The following CELF2 variants were observed in gnomAD, a reference collection of about 807,000 sequenced individuals.
CELF2 encodes CUG triplet repeat RNA-binding protein 2.
A neutral mutation model predicts 62.6 loss-of-function variants in CELF2; 8 were observed. That is an observed-to-expected ratio of 0.13 (90% CI 0.07 to 0.23). The LOEUF (loss-of-function observed/expected upper bound fraction) is 0.23, where lower values mean the gene tolerates loss of function less well. CELF2 is among the 10% of genes least tolerant of loss of function. CELF2 has a pLI of 1.00. For synonymous variants in CELF2, 258 were observed against 250.0 expected (o/e 1.03, Z -0.30); for missense variants, 333 against 671.0 (o/e 0.50, Z 5.56).
chr10:11,296,475 C>G lies in CELF2; in HGVS notation c.976+7923C>G, dbSNP rs2093198145. Among the ~76,000 whole-genome samples the G allele has an allele frequency of 1.3e-5, 2 of 152,134 alleles. No individual in the cohort carries two copies. Among genetic ancestry groups the G allele is most frequent in the South Asian group, 4.1e-4 (2 of 4,822 alleles). ...TACAAACATGTTATCACCACTAGCA[C>G]TGGTGAAAAGCATGTGTTGCTTAAT... On this transcript the variant is annotated intron_variant, in intron 9 of 12. Coordinates refer to ENST00000633077, the MANE Select transcript of CELF2 (RefSeq NM_001326342.2). The surrounding 1 kb of genome is among the most constrained non-coding windows in gnomAD (Gnocchi z 5.0).
At chr10:11,277,516 C>G (rs754117629) in intron 8 of CELF2, among the ~76,000 whole-genome samples, 4 of 152,222 alleles carry the variant, frequency 2.6e-5, no homozygotes, top group Admixed American at 6.5e-5. Flanking sequence ...GCTCTCACCC[C>G]TCTAAGAGCT....
chr10:10,690,050 T>A, the CELF2 span, among the ~76,000 whole-genome samples: 8 of 152,230 alleles, frequency 5.3e-5, no homozygotes, highest in African/African-American at 1.7e-4. Context: ...AGCTATAATG[T>A]CCATATATGG....
At chr10:11,288,319 C>T (rs1418721707) in intron 8 of CELF2, 99 bp from the exon 9 acceptor site, 5 of 1,487,790 alleles carry the variant, frequency 3.4e-6, no homozygotes, top group South Asian at 2.6e-5. Flanking sequence ...GTCGTCTGCT[C>T]TCATCATGTG....
intron 9 of CELF2, among the ~76,000 whole-genome samples, chr10:11,288,953 A>G (rs74115819): frequency 6.6e-6 from 1 of 152,206 alleles, no homozygotes; most frequent in Non-Finnish European, 1.5e-5. Flanking sequence ...AGTCATTCCC[A>G]TGTCACATTT....
In CELF2 at chr10:10,862,523, A is replaced by G. The variant is rs558753844; in HGVS notation, c.54-57441A>G. ...ATTGGTTCACCCCAGAATAAACATT[A>G]TAACAGAGTTAGGCAGAAGGTACTT... On this transcript the variant is annotated intron_variant, in intron 1 of 13. Coordinates refer to the CELF2 transcript ENST00000636488. 4.2e-4 allele frequency among the ~76,000 whole-genome samples: 64 copies of G among 152,332 alleles called. 1 individual carries two copies. In the South Asian group the frequency reaches 0.013, roughly 30 times the overall value.
At position 11,279,883 on chromosome 10, in the gene CELF2, C is replaced by CT. The variant is rs572283233; in HGVS notation, c.841+4765dup. Among the ~76,000 whole-genome samples the CT allele has an allele frequency of 8.5e-5, 13 of 152,310 alleles. No homozygotes were observed. The South Asian group carries it at 2.7e-3, about 32-fold the overall frequency. On this transcript the variant is annotated intron_variant, in intron 8 of 12. Transcript: ENST00000633077. ...TATTCTCAACTTTCTTTGCCATCTTCTTAGCCCATCGTTGAGTTCCTAAAA... is the reference window on the plus strand; with the variant it reads ...TATTCTCAACTTTCTTTGCCATCTTCTTTAGCCCATCGTTGAGTTCCTAAAA...
chr10:11,184,065 C>G (rs2074203101), intron 2 of CELF2, among the ~76,000 whole-genome samples: 1 of 152,194 alleles, frequency 6.6e-6, no homozygotes, highest in South Asian at 2.1e-4. Flanking sequence ...AGTCTTTGAT[C>G]TATTTTGAGT....
At position 11,046,304 on chromosome 10, in the gene CELF2, G is replaced by A. The variant is rs183548222; in HGVS notation, c.74+28141G>A. On this transcript the variant is annotated intron_variant, in intron 1 of 12. Transcript: ENST00000633077. This position sits in a 1 kb window ranked among gnomAD's most constrained non-coding sequence, Gnocchi z 4.6. ...GAGTTCCCAGGTGATTGTGATGCCC[G>A]TGTCAATGTGCCGGTCAGAAAATCA... Among the ~76,000 whole-genome samples the A allele has an allele frequency of 1.3e-3, 194 of 152,266 alleles. 1 individual carries two copies. The highest frequency in any genetic ancestry group is 4.3e-3 in the African/African-American group (178 of 41,550).
intron 4 of CELF2, among the ~76,000 whole-genome samples, chr10:11,254,471 T>G (rs1467793814): frequency 6.6e-6 from 1 of 152,244 alleles, no homozygotes; most frequent in Non-Finnish European, 1.5e-5. Flanking sequence ...TTATCTTTCT[T>G]CTTGTTGCCT....
At chr10:10,672,706 G>C in the CELF2 span, among the ~76,000 whole-genome samples, 1 of 151,936 alleles carries the variant, frequency 6.6e-6, no homozygotes, top group African/African-American at 2.4e-5. Flanking sequence ...TAGCTTTATA[G>C]TAAGTCTTGA....
rs977457843 is a variant in CELF2, at chr10:11,242,682, T to C, written c.355-6471T>C. Among the ~76,000 whole-genome samples the C allele has an allele frequency of 6.6e-6, 1 of 152,106 alleles. No individual in the cohort carries two copies. Among genetic ancestry groups the C allele is most frequent in the African/African-American group, 2.4e-5 (1 of 41,396 alleles). ...TTCATGAGTCACAGCTGGGGCCTTG[T>C]GGGAAGAATCGAAGGTCAGCTTACT... is the stretch of plus-strand genomic sequence containing the variant. On this transcript the variant is annotated intron_variant, in intron 3 of 12. Transcript: ENST00000633077. This position sits in a 1 kb window ranked among gnomAD's most constrained non-coding sequence, Gnocchi z 4.8.
At chr10:11,187,223 G>A (rs2075179178) in intron 2 of CELF2, among the ~76,000 whole-genome samples, 1 of 152,082 alleles carries the variant, frequency 6.6e-6, no homozygotes. Context: ...TTTTTTTGAT[G>A]AATAGATATT....
chr10:11,059,473 GT>G lies in CELF2; in HGVS notation c.74+41314del, dbSNP rs1473124668. On this transcript the variant is annotated intron_variant, in intron 1 of 12. Transcript: ENST00000633077. ...GCCCTTTTCTCACCATGAGGAAAGT[GT>G]TTTGTTTACCTAGCACGGTCTTTTT... is the stretch of plus-strand genomic sequence containing the variant. Among the ~76,000 whole-genome samples, 6 of 152,332 alleles carry G rather than the reference GT, an allele frequency of 3.9e-5. No homozygotes were observed. The East Asian group carries it at 1.2e-3, about 29-fold the overall frequency.
intron 1 of CELF2, among the ~76,000 whole-genome samples, chr10:10,799,709 C>T (rs2054463971): frequency 6.6e-6 from 1 of 151,450 alleles, no homozygotes; most frequent in South Asian, 2.1e-4. Flanking sequence ...CTCCTCATCT[C>T]TCAGAGGCCC....
chr10:10,504,627 C>A, the CELF2 span, among the ~76,000 whole-genome samples: 3 of 152,126 alleles, frequency 2.0e-5, no homozygotes, highest in South Asian at 6.2e-4. Context: ...TACCACTACC[C>A]ACCTCCTTCT....
intron 1 of CELF2, among the ~76,000 whole-genome samples, chr10:10,887,119 T>C: frequency 6.6e-6 from 1 of 152,152 alleles, no homozygotes; most frequent in Non-Finnish European, 1.5e-5. Flanking sequence ...CTTCCCAGAT[T>C]TGTAGCATTG....
chr10:10,670,941 GT>G, the CELF2 span, among the ~76,000 whole-genome samples: 10 of 152,122 alleles, frequency 6.6e-5, no homozygotes, highest in African/African-American at 1.9e-4. Flanking sequence ...GGCTGAGCAG[GT>G]GGATCACTTG....
chr10:11,060,988 A>G lies in CELF2; in HGVS notation c.74+42825A>G, dbSNP rs74934453. ...CAATTTCCTAATTGAAATCAGGTCAATTAATAACCCTGCAATGGCCTTTAA... is the reference window on the plus strand; with the variant it reads ...CAATTTCCTAATTGAAATCAGGTCAGTTAATAACCCTGCAATGGCCTTTAA... On this transcript the variant is annotated intron_variant, in intron 1 of 12. Transcript: ENST00000633077. Among the ~76,000 whole-genome samples, 1,168 of 152,334 alleles carry G rather than the reference A, an allele frequency of 7.7e-3. 43 individuals are homozygous for G. Among genetic ancestry groups the G allele is most frequent in the South Asian group, 0.059 (287 of 4,826 alleles).
At position 11,145,786 on chromosome 10, in the gene CELF2, G is replaced by T. The variant is rs1258167770; in HGVS notation, c.75-19700G>T. On this transcript the variant is annotated intron_variant, in intron 1 of 12. Coordinates refer to ENST00000633077, the MANE Select transcript of CELF2 (RefSeq NM_001326342.2). The surrounding 1 kb of genome is among the most constrained non-coding windows in gnomAD (Gnocchi z 4.3). ...TTTTTTAGTGTCATTACCAGTATTG[G>T]TTGCACTACTGTAGCGTTCTGGGTG... Among the ~76,000 whole-genome samples, 1 of 152,188 alleles carries T rather than the reference G, an allele frequency of 6.6e-6. No individual in the cohort carries two copies. Among genetic ancestry groups the T allele is most frequent in the East Asian group, 1.9e-4 (1 of 5,198 alleles).
Sources: gnomAD v4.1 joint callset for allele counts (sites outside exome capture counted in the v4.1 genomes callset) on GRCh38, gnomAD v4.1.1 for gene constraint, Gnocchi (gnomAD v3.1) non-coding constraint, MANE v1.5 for transcripts, NCBI Gene and HGNC (gene_info 2026-07-23, HGNC 2026-07-21) for gene names.